The following ARHGAP5 variants were observed in gnomAD, a reference collection of about 807,000 sequenced individuals.
ARHGAP5 encodes rho GTPase-activating protein 5.
Under a neutral mutation model 116.6 loss-of-function variants are expected in ARHGAP5, and 23 were observed. The observed-to-expected ratio is 0.20, with a 90% confidence interval of 0.14 to 0.28. The LOEUF (loss-of-function observed/expected upper bound fraction) is 0.28, where lower values mean the gene tolerates loss of function less well. ARHGAP5 is among the 10% of genes least tolerant of loss of function. The pLI is 1.00. For synonymous variants in ARHGAP5, 574 were observed against 602.0 expected (o/e 0.95, Z 0.68); for missense variants, 1,405 against 1,774.8 (o/e 0.79, Z 3.74).
intron 2 of ARHGAP5, among the ~76,000 whole-genome samples, chr14:32,096,181 T>C (rs113544673): frequency 3.3e-5 from 5 of 152,272 alleles, no homozygotes; most frequent in African/African-American, 1.2e-4. Context: ...TTGGAGATAG[T>C]GGACTCTTTT....
intron 3 of ARHGAP5, among the ~76,000 whole-genome samples, chr14:32,138,051 C>T (rs1024595894): frequency 6.6e-6 from 1 of 150,602 alleles, no homozygotes; most frequent in African/African-American, 2.4e-5. Context: ...TCTTTAGTTT[C>T]TGTCAACACT....
At chr14:32,108,816 A>G (rs1338763818) in intron 2 of ARHGAP5, among the ~76,000 whole-genome samples, 1 of 152,150 alleles carries the variant, frequency 6.6e-6, no homozygotes, top group African/African-American at 2.4e-5. Context: ...AATATAAATG[A>G]TGTTATAGAA....
intron 3 of ARHGAP5, among the ~76,000 whole-genome samples, chr14:32,133,754 C>G (rs1461036287): frequency 1.3e-5 from 2 of 152,208 alleles, no homozygotes; most frequent in Admixed American, 6.5e-5. Flanking sequence ...TGAGATACAT[C>G]CCATCAATAC....
At chr14:32,139,856 T>C (rs1881001579) in intron 3 of ARHGAP5, among the ~76,000 whole-genome samples, 2 of 151,182 alleles carry the variant, frequency 1.3e-5, no homozygotes, top group African/African-American at 4.8e-5. Flanking sequence ...ATCCCATAGG[T>C]TTTTGTATAT....
At position 32,137,338 on chromosome 14, in the gene ARHGAP5, T is replaced by C. The variant is rs1005373786; in HGVS notation, c.3866-8925T>C. Among the ~76,000 whole-genome samples, 5 of 151,190 alleles carry C rather than the reference T, an allele frequency of 3.3e-5. No individual in the cohort carries two copies. The South Asian group carries it at 1.1e-3, about 32-fold the overall frequency. The stretch of plus-strand genomic sequence containing the variant: ...TATTGCGAAGAGTATCCTTTTCTCA[T>C]TAAATGGTCTTGACACCCTTGTTGA... On this transcript the variant is annotated intron_variant, in intron 3 of 6. Transcript: ENST00000345122.
intron 3 of ARHGAP5, among the ~76,000 whole-genome samples, chr14:32,130,257 G>A (rs1156764192): frequency 6.8e-6 from 1 of 146,630 alleles, no homozygotes; most frequent in East Asian, 2.0e-4. Flanking sequence ...TGTCCCCCAG[G>A]CTGGAGTGTA....
chr14:32,133,336 T>A (rs1417660110), intron 3 of ARHGAP5, among the ~76,000 whole-genome samples: 1 of 152,198 alleles, frequency 6.6e-6, no homozygotes, highest in African/African-American at 2.4e-5. Flanking sequence ...TATTTTATTC[T>A]CTTTGAAGCA....
At chr14:32,133,639 G>T (rs1380634414) in intron 3 of ARHGAP5, among the ~76,000 whole-genome samples, 1 of 152,288 alleles carries the variant, frequency 6.6e-6, no homozygotes, top group African/African-American at 2.4e-5. Context: ...AGTGGTGAGA[G>T]AGGGCATCCC....
intron 1 of ARHGAP5, among the ~76,000 whole-genome samples, chr14:32,079,282 T>C (rs549984274): frequency 1.2e-4 from 19 of 152,344 alleles, no homozygotes; most frequent in African/African-American, 3.8e-4. Context: ...CCATTCTTTG[T>C]ACATTAATTA....
At position 32,159,665 on chromosome 14, in the gene ARHGAP5, G is replaced by A. The variant is rs933747364; in HGVS notation, c.*4717G>A. 6.6e-6 allele frequency: 1 copy of A among 152,016 alleles called. No individual in the cohort carries two copies. Among genetic ancestry groups the A allele is most frequent in the Non-Finnish European group, 1.5e-5 (1 of 67,984 alleles). The allele number at this position is 152,016 out of a possible 1,614,324, so 9.4% of individuals were successfully genotyped here. A position where few individuals can be genotyped will look rare whatever the true frequency, so the allele number is the denominator to read the frequency against. On this transcript the variant is annotated 3_prime_UTR_variant, in exon 7 of 7. Coordinates refer to ENST00000345122, the MANE Select transcript of ARHGAP5 (RefSeq NM_001030055.2). ...ACCAGCTTTAACTTTGGGGCTCTTAGTTTCTTTTCTCCAGATTCTTGTTAT... is the reference window on the plus strand; with the variant it reads ...ACCAGCTTTAACTTTGGGGCTCTTAATTTCTTTTCTCCAGATTCTTGTTAT...
At chr14:32,141,067 A>G (rs1053605475) in intron 3 of ARHGAP5, among the ~76,000 whole-genome samples, 2 of 152,152 alleles carry the variant, frequency 1.3e-5, no homozygotes, top group East Asian at 3.8e-4. Context: ...ATGTCCTTCT[A>G]TGCTCTTGTA....
chr14:32,128,225 C>T (rs1243251027), intron 3 of ARHGAP5, among the ~76,000 whole-genome samples: 1 of 152,020 alleles, frequency 6.6e-6, no homozygotes, highest in Non-Finnish European at 1.5e-5. Context: ...AGGGGCTCCT[C>T]ACATCCCAGA....
rs769740796 is a variant in ARHGAP5 at position 32,117,306 on chromosome 14, T to C, written c.3865+19T>C. 17 of 1,548,878 alleles carry C rather than the reference T, an allele frequency of 1.1e-5. No homozygotes were observed. In the Admixed American group the frequency reaches 3.1e-4, roughly 28 times the overall value. ...GATACAGGTAGGATAGAAGAATCAT[T>C]GCAAGAGATTTGATTTTAAATTTCA... On this transcript the variant is annotated intron_variant, in intron 3 of 6. Coordinates refer to ENST00000345122, the MANE Select transcript of ARHGAP5 (RefSeq NM_001030055.2).
rs1227373587 is a variant in ARHGAP5, at chr14:32,145,084, CCT to C, written c.3866-1176_3866-1175del. ...TACTCAAATCTATTTAAGCAGGCCT[CCT>C]CTGACGTTGCACCAGCAGGGGAGGA... is the stretch of plus-strand genomic sequence containing the variant. On this transcript the variant is annotated intron_variant, in intron 3 of 6. Coordinates refer to ENST00000345122, the MANE Select transcript of ARHGAP5 (RefSeq NM_001030055.2). Among the ~76,000 whole-genome samples, 5 of 152,326 alleles carry C rather than the reference CCT, an allele frequency of 3.3e-5. No homozygotes were observed. The East Asian group carries it at 9.6e-4, about 29-fold the overall frequency.
In ARHGAP5 at chr14:32,157,864, C is replaced by T. The variant is rs1414578635; in HGVS notation, c.*2916C>T. On this transcript the variant is annotated 3_prime_UTR_variant, in exon 7 of 7. Coordinates refer to ENST00000345122, the MANE Select transcript of ARHGAP5 (RefSeq NM_001030055.2). ...TGAGGTACTGGAATCTAATTAATAT[C>T]TCTTAGGTATCAACAAAAGGGAACA... 1 of 149,544 alleles carries T rather than the reference C, an allele frequency of 6.7e-6. No individual in the cohort carries two copies. Among genetic ancestry groups the T allele is most frequent in the Non-Finnish European group, 1.5e-5 (1 of 67,244 alleles). The allele number at this position is 149,544 out of a possible 1,614,324, so 9.3% of individuals were successfully genotyped here.
chr14:32,116,051 G>A (rs975596345), intron 2 of ARHGAP5, among the ~76,000 whole-genome samples: 1 of 151,882 alleles, frequency 6.6e-6, no homozygotes, highest in Non-Finnish European at 1.5e-5. Context: ...ACTTTGGGAG[G>A]CTGAGGCGGG....
chr14:32,137,535 T>C (rs1476499841), intron 3 of ARHGAP5, among the ~76,000 whole-genome samples: 1 of 152,116 alleles, frequency 6.6e-6, no homozygotes, highest in Admixed American at 6.6e-5. Context: ...TTTTCAAGAT[T>C]CCTTTAGCTA....
At chr14:32,123,386 A>T (rs1879987288) in intron 3 of ARHGAP5, among the ~76,000 whole-genome samples, 1 of 152,030 alleles carries the variant, frequency 6.6e-6, no homozygotes, top group Admixed American at 6.5e-5. Context: ...GGCCAAATGT[A>T]GAAATGCCAT....
rs372538304 is a variant in ARHGAP5 at position 32,153,399 on chromosome 14, T to G, written c.4181+871T>G. On this transcript the variant is annotated intron_variant, in intron 6 of 6. Transcript: ENST00000345122. ...TTCAGTCTGGCCAACAGAGCAAGAC[T>G]CTGTCTCAAAAAAAAAAAAAAAAAA... 4.8e-3 allele frequency among the ~76,000 whole-genome samples: 244 copies of G among 51,056 alleles called. 1 individual carries two copies. Among genetic ancestry groups the G allele is most frequent in the African/African-American group, 0.017 (230 of 13,744 alleles). The allele number at this position is 51,056 out of a possible 152,430, so 33.5% of individuals were successfully genotyped here. A position where few individuals can be genotyped will look rare whatever the true frequency, so the allele number is the denominator to read the frequency against.
Sources: gnomAD v4.1 joint callset for allele counts (sites outside exome capture counted in the v4.1 genomes callset) on GRCh38, gnomAD v4.1.1 for gene constraint, MANE v1.5 for transcripts, NCBI Gene and HGNC (gene_info 2026-07-23, HGNC 2026-07-21) for gene names.